SLC25A16: variants seen among roughly 807,000 people sequenced by gnomAD.
SLC25A16 encodes the protein mitochondrial coenzyme A transporter SLC25A16.
Under a neutral mutation model 41.5 loss-of-function variants are expected in SLC25A16, and 39 were observed. The observed-to-expected ratio is 0.94, with a 90% CI of 0.73 to 1.23. SLC25A16 has a LOEUF of 1.23. Ranked by LOEUF, SLC25A16 falls within the 50% of genes most tolerant of loss-of-function variation. SLC25A16 has a pLI of 0.00. For synonymous variants in SLC25A16, 146 were observed against 147.8 expected (o/e 0.99, Z 0.09); for missense variants, 421 against 426.9 (o/e 0.99, Z 0.12).
At chr10:68,507,218 G>A (rs536123780) in intron 2 of SLC25A16, among the ~76,000 whole-genome samples, 75 of 151,466 alleles carry the variant, frequency 5.0e-4, no homozygotes, top group Non-Finnish European at 8.4e-4. Flanking sequence ...GATTACACGC[G>A]CCCGCCACCA....
At chr10:68,498,303 T>G (rs2052784443) in intron 4 of SLC25A16, among the ~76,000 whole-genome samples, 2 of 151,922 alleles carry the variant, frequency 1.3e-5, no homozygotes, top group Non-Finnish European at 2.9e-5. Context: ...AGGGAGATAT[T>G]TTTTTATTTT....
At chr10:68,522,949 A>G (rs1289981120) in intron 1 of SLC25A16, among the ~76,000 whole-genome samples, 1 of 151,778 alleles carries the variant, frequency 6.6e-6, no homozygotes, top group Non-Finnish European at 1.5e-5. Context: ...AGGCCACTGC[A>G]CTCCAGCCTA....
intron 2 of SLC25A16, among the ~76,000 whole-genome samples, chr10:68,514,904 A>C (rs570048874): frequency 1.3e-5 from 2 of 151,848 alleles, no homozygotes; most frequent in South Asian, 4.2e-4. Context: ...CGCCCAGCTA[A>C]TTTTTGTATT....
intron 2 of SLC25A16, among the ~76,000 whole-genome samples, chr10:68,515,628 A>G (rs1166939042): frequency 1.3e-5 from 2 of 151,292 alleles, no homozygotes; most frequent in African/African-American, 4.9e-5. Flanking sequence ...GAGAAACCCC[A>G]TCTCTACTAA....
chr10:68,523,337 C>T (rs996195425), intron 1 of SLC25A16, among the ~76,000 whole-genome samples: 4 of 152,146 alleles, frequency 2.6e-5, no homozygotes, highest in African/African-American at 7.2e-5. Context: ...AAGCTATCCC[C>T]GCTACTCAGC....
chr10:68,503,587 A>G (rs2052895201), intron 4 of SLC25A16, 45 bp downstream of exon 4: 2 of 1,240,072 alleles, frequency 1.6e-6, no homozygotes, highest in Non-Finnish European at 2.3e-6. Flanking sequence ...ATATTTTAAT[A>G]GAAAATTAAT....
chr10:68,488,399 T>A, intron 7 of SLC25A16, 68 bp downstream of exon 7: 1 of 1,141,650 alleles, frequency 8.8e-7, no homozygotes, highest in South Asian at 2.0e-5. Context: ...AATAAATGAT[T>A]AAACAATGCT....
chr10:68,527,516 T>G lies in SLC25A16; in HGVS notation c.-141A>C. 2.7e-6 allele frequency: 2 copies of G among 750,812 alleles called. No individual in the cohort carries two copies. Among genetic ancestry groups the G allele is most frequent in the Non-Finnish European group, 2.0e-6 (1 of 498,024 alleles). 46.5% of individuals were successfully genotyped at this position (750,812 alleles called of 1,614,324 possible). ...CACCCGGCGGCGCGGCGCCGGCTGATGGCGTACAGCAAGGGCGGGGCCTGT... is the reference window on the plus strand; with the variant it reads ...CACCCGGCGGCGCGGCGCCGGCTGAGGGCGTACAGCAAGGGCGGGGCCTGT... On this transcript the variant is annotated 5_prime_UTR_variant, in exon 1 of 9. Coordinates refer to ENST00000609923, the MANE Select transcript of SLC25A16 (RefSeq NM_152707.4).
intron 6 of SLC25A16, among the ~76,000 whole-genome samples, chr10:68,492,496 C>T (rs946440563): frequency 5.9e-5 from 9 of 151,888 alleles, no homozygotes; most frequent in South Asian, 2.1e-4. Flanking sequence ...CTGCTGGGCA[C>T]GGTGGCTAAT....
intron 2 of SLC25A16, 77 bp from the exon 3 acceptor site, chr10:68,506,795 G>T: frequency 2.5e-6 from 2 of 803,980 alleles, no homozygotes; most frequent in East Asian, 3.0e-5. Context: ...CACAGATAAA[G>T]ATTAATGTGC....
In SLC25A16 at chr10:68,523,671, C is replaced by T. The variant is rs377666410; in HGVS notation, c.130+3575G>A. Among the ~76,000 whole-genome samples the T allele has an allele frequency of 4.8e-4, 73 of 152,132 alleles. 2 individuals are homozygous for T. The South Asian group carries it at 0.013, about 27-fold the overall frequency. On this transcript the variant is annotated intron_variant, in intron 1 of 8. Coordinates refer to ENST00000609923, the MANE Select transcript of SLC25A16 (RefSeq NM_152707.4). ...TGTATTTTTAGTAGAGATGGGGTTT[C>T]GCCATGTTGGCCGGGATGGTCTTGA...
At chr10:68,496,184 C>T (rs991807688) in intron 4 of SLC25A16, among the ~76,000 whole-genome samples, 2 of 152,194 alleles carry the variant, frequency 1.3e-5, no homozygotes, top group Admixed American at 1.3e-4. Flanking sequence ...AAAAGGGAAG[C>T]ACAATCAGAG....
rs2052466265 is a variant in SLC25A16 at position 68,479,882 on chromosome 10, C to T, written c.*3550G>A. On this transcript the variant is annotated 3_prime_UTR_variant, in exon 9 of 9. Coordinates refer to ENST00000609923, the MANE Select transcript of SLC25A16 (RefSeq NM_152707.4). ...CAAAACTCAGCTGGGCATGGTAGCA[C>T]ATAGCTGTAATCCCAGTTACTTGGA... is the stretch of plus-strand genomic sequence containing the variant. 6.7e-6 allele frequency: 1 copy of T among 149,818 alleles called. No homozygotes were observed. Among genetic ancestry groups the T allele is most frequent in the South Asian group, 2.1e-4 (1 of 4,696 alleles). 9.3% of individuals were successfully genotyped at this position (149,818 alleles called of 1,614,324 possible).
rs113151943 is a variant in SLC25A16 at position 68,488,130 on chromosome 10, G to C, written c.773+337C>G. ...CTCCCAAACTGCTGGGATTACAGAC[G>C]TGAGTCACCGCGCCCACCCTCTTTC... On this transcript the variant is annotated intron_variant, in intron 7 of 8. Transcript: ENST00000609923. Among the ~76,000 whole-genome samples, 425 of 152,132 alleles carry C rather than the reference G, an allele frequency of 2.8e-3. 2 individuals are homozygous for C. The highest frequency in any genetic ancestry group is 9.7e-3 in the African/African-American group (402 of 41,514).
At chr10:68,515,365 GAAA>G (rs59305144) in intron 2 of SLC25A16, among the ~76,000 whole-genome samples, 1 of 134,920 alleles carries the variant, frequency 7.4e-6, no homozygotes. Flanking sequence ...TCCAAAAAAA[GAAA>G]AAAAAAAAAA....
Position 68,492,670 on chromosome 10 carries a change from G to A in SLC25A16, c.610+462C>T, listed in dbSNP as rs188239215. Among the ~76,000 whole-genome samples the A allele has an allele frequency of 9.2e-5, 14 of 151,522 alleles. No homozygotes were observed. In the East Asian group the frequency reaches 1.6e-3, roughly 17 times the overall value. On this transcript the variant is annotated intron_variant, in intron 6 of 8. Transcript: ENST00000609923. ...GCACTCCAGCTTGGGCAACAAGAGC[G>A]AAACTCCGTCTCAAAAAACAAAAAA...
At chr10:68,522,814 CAAAAAAAAA>C (rs58143466) in intron 1 of SLC25A16, among the ~76,000 whole-genome samples, 8 of 65,468 alleles carry the variant, frequency 1.2e-4, no homozygotes, top group East Asian at 4.8e-4. Context: ...GATTCCTTCT[CAAAAAAAAA>C]AAAAAAAAAA....
chr10:68,503,822 C>A (rs10823215), intron 3 of SLC25A16, 127 bp from the exon 4 acceptor site: 1 of 670,330 alleles, frequency 1.5e-6, no homozygotes, highest in South Asian at 1.9e-5. Context: ...TAAATGTGAA[C>A]GAAATGAGCA....
At chr10:68,513,547 A>G (rs995258751) in intron 2 of SLC25A16, among the ~76,000 whole-genome samples, 1 of 152,172 alleles carries the variant, frequency 6.6e-6, no homozygotes, top group African/African-American at 2.4e-5. Context: ...AAAATAACTC[A>G]TTGTTATTCA....
Sources: gnomAD v4.1 joint callset for allele counts (sites outside exome capture counted in the v4.1 genomes callset) on GRCh38, gnomAD v4.1.1 for gene constraint, MANE v1.5 for transcripts, NCBI Gene and HGNC (gene_info 2026-07-23, HGNC 2026-07-21) for gene names.